Variants in HACE1 observed in about 807,000 individuals in gnomAD.
HACE1 encodes E3 ubiquitin-protein ligase HACE1.
HACE1 carries 73 observed loss-of-function variants against 118.4 expected under a neutral mutation model. The observed-to-expected ratio is 0.62, with a 90% CI of 0.51 to 0.75. HACE1 has a LOEUF of 0.75. Ranked by LOEUF, HACE1 falls within the 30% of genes least tolerant of loss-of-function variation. The pLI, the probability that HACE1 is intolerant of heterozygous loss-of-function variation, is 0.00. For missense variants in HACE1, 749 were observed against 1,102.2 expected (o/e 0.68, Z 4.54); for synonymous variants, 368 against 374.8 (o/e 0.98, Z 0.21).
intron 20 of HACE1, among the ~76,000 whole-genome samples, chr6:104,749,901 T>C (rs1334865029): frequency 1.3e-5 from 2 of 152,044 alleles, no homozygotes; most frequent in African/African-American, 2.4e-5. Context: ...ATTATATATA[T>C]GGCAATATAA....
At chr6:104,819,846 T>C (rs569155859) in intron 6 of HACE1, among the ~76,000 whole-genome samples, 42 of 152,182 alleles carry the variant, frequency 2.8e-4, no homozygotes, top group Non-Finnish European at 4.4e-4. Context: ...GGAAAACAAC[T>C]GAAACCCTTC....
intron 11 of HACE1, among the ~76,000 whole-genome samples, chr6:104,787,694 G>C (rs972945473): frequency 2.1e-4 from 32 of 152,150 alleles, no homozygotes; most frequent in African/African-American, 7.5e-4. Flanking sequence ...ATGCAGATGA[G>C]CACTGAGTCT....
At chr6:104,839,617 A>G (rs1441166003) in intron 5 of HACE1, among the ~76,000 whole-genome samples, 1 of 152,254 alleles carries the variant, frequency 6.6e-6, no homozygotes, top group African/African-American at 2.4e-5. Context: ...AAAACCTACC[A>G]TGTACACAGG....
chr6:104,841,825 A>G (rs999333361), intron 5 of HACE1, among the ~76,000 whole-genome samples: 2 of 152,214 alleles, frequency 1.3e-5, no homozygotes, highest in African/African-American at 2.4e-5. Context: ...CAACAGTAAC[A>G]TAATTCTATG....
At chr6:104,763,181 T>C (rs919853677) in intron 19 of HACE1, among the ~76,000 whole-genome samples, 1 of 151,988 alleles carries the variant, frequency 6.6e-6, no homozygotes, top group South Asian at 2.1e-4. Context: ...GACAGGAAGA[T>C]ACCAAAAAGA....
At chr6:104,801,498 T>A (rs760217918) in intron 7 of HACE1, among the ~76,000 whole-genome samples, 10 of 152,110 alleles carry the variant, frequency 6.6e-5, no homozygotes, top group Admixed American at 1.3e-4. Flanking sequence ...GGGAAGCCCA[T>A]CAGACTAACA....
Position 104,730,404 on chromosome 6 carries a change from TG to T in HACE1, c.2525del (p.Pro842HisfsTer98). ...LQFVTGSSRVPHGGFANIMGG... is the reference protein window; with the variant it reads ...LQFVTGSSRVXHGGFANIMGG... ...CCATGATATTAGCAAACCCACCATG[TG>T]GGACCCTGGAACTAAGAGTTTATAT... On this transcript the variant is annotated frameshift_variant, in exon 23 of 24. Transcript: ENST00000262903. LOFTEE classifies it high-confidence loss of function. 6.7e-7 allele frequency: 1 copy of T among 1,497,132 alleles called. No individual in the cohort carries two copies. The highest frequency in any genetic ancestry group is 9.3e-7 in the Non-Finnish European group (1 of 1,073,194). The allele number at this position is 1,497,132 out of a possible 1,614,324, so 92.7% of individuals were successfully genotyped here.
chr6:104,835,401 T>C (rs1562479198), intron 5 of HACE1, among the ~76,000 whole-genome samples: 1 of 151,944 alleles, frequency 6.6e-6, no homozygotes, highest in Non-Finnish European at 1.5e-5. Context: ...ACTGATTGCA[T>C]CCCTGAAATG....
At chr6:104,743,318 A>T (rs1374676605) in intron 22 of HACE1, among the ~76,000 whole-genome samples, 3 of 151,810 alleles carry the variant, frequency 2.0e-5, no homozygotes, top group African/African-American at 4.8e-5. Flanking sequence ...ATAATAATAA[A>T]AAAAAATTAT....
intron 6 of HACE1, among the ~76,000 whole-genome samples, chr6:104,816,328 C>T (rs55767250): frequency 0.032 from 4,797 of 152,274 alleles, 240 homozygotes; most frequent in African/African-American, 0.11. Context: ...ACAGGCCGGA[C>T]CCAGGGCCCC....
At chr6:104,730,024 A>G (rs1254299059) in intron 23 of HACE1, among the ~76,000 whole-genome samples, 1 of 152,154 alleles carries the variant, frequency 6.6e-6, no homozygotes, top group African/African-American at 2.4e-5. Context: ...TTTAGTTTGA[A>G]GTGATGGTGT....
chr6:104,757,758 G>A (rs1461638977), intron 19 of HACE1, among the ~76,000 whole-genome samples: 3 of 152,114 alleles, frequency 2.0e-5, no homozygotes, highest in East Asian at 3.9e-4. Flanking sequence ...CAAATTAAAG[G>A]AGCATGTTCT....
intron 7 of HACE1, among the ~76,000 whole-genome samples, chr6:104,798,538 A>G (rs1204262139): frequency 6.6e-6 from 1 of 152,184 alleles, no homozygotes; most frequent in Non-Finnish European, 1.5e-5. Context: ...ACTTAAGAAT[A>G]ATATCTAATT....
chr6:104,743,039 G>A (rs1331338714), intron 22 of HACE1, among the ~76,000 whole-genome samples: 6 of 151,812 alleles, frequency 4.0e-5, no homozygotes, highest in African/African-American at 7.2e-5. Flanking sequence ...GGAAATCATC[G>A]TTCTCAGTAA....
At chr6:104,737,481 C>T (rs576947195) in intron 22 of HACE1, among the ~76,000 whole-genome samples, 13 of 152,110 alleles carry the variant, frequency 8.5e-5, no homozygotes, top group East Asian at 3.9e-4. Context: ...GCACCGTGCG[C>T]GAGCCGAAGC....
chr6:104,825,197 A>G (rs1276376023), intron 6 of HACE1, among the ~76,000 whole-genome samples: 2 of 152,076 alleles, frequency 1.3e-5, no homozygotes, highest in East Asian at 3.9e-4. Context: ...CAGTCAGGGA[A>G]CCTAAGGCCA....
At chr6:104,858,004 T>C (rs1297144567) in intron 1 of HACE1, among the ~76,000 whole-genome samples, 3 of 150,736 alleles carry the variant, frequency 2.0e-5, no homozygotes, top group Non-Finnish European at 4.4e-5. Flanking sequence ...AATAAAAGAC[T>C]ATATGCAACA....
chr6:104,801,372 C>T (rs1465641849), intron 7 of HACE1, among the ~76,000 whole-genome samples: 1 of 152,074 alleles, frequency 6.6e-6, no homozygotes, highest in African/African-American at 2.4e-5. Context: ...GAGAACGCCA[C>T]AAAGATGCTC....
chr6:104,841,173 A>G (rs1046665414), intron 5 of HACE1, among the ~76,000 whole-genome samples: 1 of 151,696 alleles, frequency 6.6e-6, no homozygotes, highest in African/African-American at 2.4e-5. Context: ...GGAAGTTTGG[A>G]GGTTGGGGAG....
Sources: allele counts gnomAD v4.1 joint callset (sites outside exome capture counted in the v4.1 genomes callset), GRCh38; gene constraint gnomAD v4.1.1; transcripts MANE v1.5; gene names NCBI Gene and HGNC (gene_info 2026-07-23, HGNC 2026-07-21).